Variants in OR10A2 observed in about 807,000 individuals in gnomAD.
OR10A2 encodes the protein olfactory receptor 10A2.
In OR10A2, 15 loss-of-function variants were observed where a neutral mutation model predicts 13.7. The ratio of observed to expected loss-of-function variants is 1.10; its 90% confidence interval spans 0.73 to 1.69. The LOEUF (loss-of-function observed/expected upper bound fraction) is 1.69, where lower values mean the gene tolerates loss of function less well. Among genes scored for constraint, OR10A2 ranks in the 40% most tolerant of loss-of-function variants. The probability of loss-of-function intolerance (pLI) is 0.00; values close to 1 mark genes in which losing one functional copy is unlikely to be tolerated. For missense variants in OR10A2, 343 were observed against 361.1 expected (o/e 0.95, Z 0.41); for synonymous variants, 145 against 144.7 (o/e 1.00, Z -0.02).
At chr11:6,863,868 G>C (rs980612559) in intron 1 of OR10A2, among the ~76,000 whole-genome samples, 1 of 152,210 alleles carries the variant, frequency 6.6e-6, no homozygotes, top group Non-Finnish European at 1.5e-5. Context: ...GAGCAAGTTT[G>C]TCCAACCTGT....
chr11:6,864,074 C>A (rs1848361835), intron 1 of OR10A2, among the ~76,000 whole-genome samples: 1 of 152,054 alleles, frequency 6.6e-6, no homozygotes, highest in South Asian at 2.1e-4. Context: ...GATTGGACAC[C>A]CCTGTTCTAG....
chr11:6,869,849 T>C lies in OR10A2; in HGVS notation c.95T>C (p.Ile32Thr), dbSNP rs201235124. The C allele has an allele frequency of 1.9e-6, 3 of 1,614,178 alleles. No individual in the cohort carries two copies. Among genetic ancestry groups the C allele is most frequent in the Middle Eastern group, 1.6e-4 (1 of 6,062 alleles). The change falls in exon 2 of 2, where the codon ATC becomes ACC. Residue 32 changes from isoleucine (I) to threonine (T), a missense_variant. Ile to Thr is a moderately conservative substitution (Grantham distance 89, BLOSUM62 -1). Coordinates refer to ENST00000641461, the MANE Select transcript of OR10A2 (RefSeq NM_001004460.2). ...YLVTLMGNCL[I>T]ILVTLADPML... ...GTCACCCTGATGGGAAACTGCCTCATCATTCTGGTTACCCTAGCTGACCCC... is the reference window on the plus strand; with the variant it reads ...GTCACCCTGATGGGAAACTGCCTCACCATTCTGGTTACCCTAGCTGACCCC...
At chr11:6,869,395 T>A (rs1266234286) in intron 1 of OR10A2, among the ~76,000 whole-genome samples, 1 of 152,248 alleles carries the variant, frequency 6.6e-6, no homozygotes, top group Non-Finnish European at 1.5e-5. Flanking sequence ...AAACATCACT[T>A]TCTCCCAAAA....
intron 1 of OR10A2, among the ~76,000 whole-genome samples, chr11:6,867,436 T>A (rs1848388034): frequency 6.6e-6 from 1 of 152,144 alleles, no homozygotes; most frequent in Non-Finnish European, 1.5e-5. Context: ...GTTTTCAAAC[T>A]CCTGGCCTCA....
chr11:6,866,561 T>C (rs1350668786), intron 1 of OR10A2, among the ~76,000 whole-genome samples: 1 of 152,204 alleles, frequency 6.6e-6, no homozygotes, highest in Non-Finnish European at 1.5e-5. Context: ...TCACCAGCAT[T>C]TGGTGTTGTC....
chr11:6,866,002 G>A (rs964366216), intron 1 of OR10A2, among the ~76,000 whole-genome samples: 1 of 152,136 alleles, frequency 6.6e-6, no homozygotes, highest in African/African-American at 2.4e-5. Flanking sequence ...TGTTATGTAA[G>A]TGGAATAATA....
At position 6,869,746 on chromosome 11, in the gene OR10A2, T is replaced by C. The variant is rs1848409597; in HGVS notation, c.-9T>C. The C allele has an allele frequency of 6.2e-7, 1 of 1,611,608 alleles. No homozygotes were observed. Among genetic ancestry groups the C allele is most frequent in the Non-Finnish European group, 8.5e-7 (1 of 1,178,054 alleles). ...AGGAAACTGGACAAGAATAAGTGAG[T>C]TTATCCTCATGAGCTTCTCTTCCCT... On this transcript the variant is annotated 5_prime_UTR_variant, in exon 2 of 2. Transcript: ENST00000641461.
chr11:6,864,149 C>G (rs1015346591), intron 1 of OR10A2, among the ~76,000 whole-genome samples: 3 of 152,176 alleles, frequency 2.0e-5, no homozygotes, highest in African/African-American at 7.2e-5. Flanking sequence ...CTCTCCCACA[C>G]TGGAGACGGG....
At chr11:6,864,599 G>A (rs534292812) in intron 1 of OR10A2, among the ~76,000 whole-genome samples, 1 of 152,110 alleles carries the variant, frequency 6.6e-6, no homozygotes, top group Non-Finnish European at 1.5e-5. Flanking sequence ...ATCCTATCTG[G>A]AAGTATCACA....
rs7130260 is a variant in OR10A2 at position 6,873,173 on chromosome 11, C to T, written c.*2507C>T. ...AAAGCTTATGTAATGCAAACCTTTA[C>T]ATTAAAAATATTATGGGGAAGTAGG... On this transcript the variant is annotated 3_prime_UTR_variant, in exon 2 of 2. Transcript: ENST00000641461. 49,132 of 151,654 alleles carry T rather than the reference C, an allele frequency of 0.32. 8,414 individuals are homozygous for T. The highest frequency in any genetic ancestry group is 0.41 in the South Asian group (1,968 of 4,798). The allele number at this position is 151,654 out of a possible 1,614,324, so 9.4% of individuals were successfully genotyped here.
In OR10A2 at chr11:6,870,660, C is replaced by A. The variant is rs1201149466; in HGVS notation, c.906C>A (p.Ile302=). 6.4e-7 allele frequency: 1 copy of A among 1,554,734 alleles called. No individual in the cohort carries two copies. Among genetic ancestry groups the A allele is most frequent in the Admixed American group, 2.1e-5 (1 of 48,780 alleles). The part of the protein sequence containing the change: ...VSKALALRNC[I]P ...AGGCCCTAGCCCTCAGAAACTGTAT[C>A]CCATAGACCTTAGGAAGTAAGGCTA... The change falls in exon 2 of 2, where the codon ATC becomes ATA. Residue 302 remains isoleucine, a synonymous_variant. Transcript: ENST00000641461.
At chr11:6,869,594 G>C in intron 1 of OR10A2, 29 bp from the exon 2 acceptor site, 2 of 687,926 alleles carry the variant, frequency 2.9e-6, no homozygotes, top group Non-Finnish European at 5.1e-6. Context: ...CTCTGCCTGA[G>C]GTGCTGACCT....
Position 6,871,697 on chromosome 11 carries a change from C to A in OR10A2, c.*1031C>A, listed in dbSNP as rs576694018. ...AGTCATAGCTTTGCTTTGATGAGAA[C>A]AAAGCTCCAGAATAAGTCTTCTTTA... On this transcript the variant is annotated 3_prime_UTR_variant, in exon 2 of 2. Coordinates refer to ENST00000641461, the MANE Select transcript of OR10A2 (RefSeq NM_001004460.2). 1.2e-4 allele frequency: 18 copies of A among 152,284 alleles called. No homozygotes were observed. The highest frequency in any genetic ancestry group is 3.4e-3 in the Middle Eastern group (1 of 294). 9.4% of individuals were successfully genotyped at this position (152,284 alleles called of 1,614,324 possible).
At position 6,870,060 on chromosome 11, in the gene OR10A2, G is replaced by C. The variant is rs1848413756; in HGVS notation, c.306G>C (p.Leu102=). 1.9e-6 allele frequency: 3 copies of C among 1,614,148 alleles called. No individual in the cohort carries two copies. The East Asian group carries it at 6.7e-5, about 36-fold the overall frequency. Residue 102 remains leucine (L), a synonymous_variant, in exon 2 of 2, where the codon CTG becomes CTC. Transcript: ENST00000641461. ...FFFGVAECFL[L]ATMAYDRYVA... is the part of the protein sequence containing the mutation. ...TTGGAGTGGCTGAATGCTTCCTCCT[G>C]GCTACCATGGCATATGACCGCTATG...
chr11:6,870,228 C>A lies in OR10A2; in HGVS notation c.474C>A (p.Thr158=). The A allele has an allele frequency of 6.2e-7, 1 of 1,614,194 alleles. No individual in the cohort carries two copies. The part of the protein sequence containing the change: ...TWLFSFPFCG[T]NKVNHFFCDS... ...TCTTCAGTTTTCCATTCTGTGGCAC[C>A]AACAAGGTGAACCACTTCTTCTGTG... The change falls in exon 2 of 2, where the codon ACC becomes ACA. Residue 158 remains threonine (T), a synonymous_variant. Coordinates refer to ENST00000641461, the MANE Select transcript of OR10A2 (RefSeq NM_001004460.2).
At position 6,870,549 on chromosome 11, in the gene OR10A2, C is replaced by T. The variant is rs200374732; in HGVS notation, c.795C>T (p.Tyr265=). 9.9e-6 allele frequency: 16 copies of T among 1,614,062 alleles called. No homozygotes were observed. The highest frequency in any genetic ancestry group is 1.7e-5 in the Admixed American group (1 of 60,026). ...GCAAGAAGCTGCTATCATTGTCCTACACTGTTATGACTCCCATGTTGAACC... is the reference window on the plus strand; with the variant it reads ...GCAAGAAGCTGCTATCATTGTCCTATACTGTTATGACTCCCATGTTGAACC... ...PEGKKLLSLS[Y]TVMTPMLNPI... The change falls in exon 2 of 2, where the codon TAC becomes TAT. Residue 265 remains tyrosine, a synonymous_variant. Transcript: ENST00000641461.
Position 6,870,908 on chromosome 11 carries a change from C to A in OR10A2, c.*242C>A, listed in dbSNP as rs1848427527. On this transcript the variant is annotated 3_prime_UTR_variant, in exon 2 of 2. Coordinates refer to ENST00000641461, the MANE Select transcript of OR10A2 (RefSeq NM_001004460.2). Reference sequence around the variant, plus strand: ...GTTTTCCTTGTTTCAACTGGTATGACAGCACTTCTGTGGCCAACTATTTCC... The same window carrying A: ...GTTTTCCTTGTTTCAACTGGTATGAAAGCACTTCTGTGGCCAACTATTTCC... 5.4e-6 allele frequency: 2 copies of A among 369,104 alleles called. No individual in the cohort carries two copies. The allele number at this position is 369,104 out of a possible 1,614,324, so 22.9% of individuals were successfully genotyped here.
chr11:6,870,151 G>T lies in OR10A2; in HGVS notation c.397G>T (p.Ala133Ser). ...CCAAAGGACTCGTGCCAAACTGGCT[G>T]CTGCCTCCTGGTTCCCAGGCTTTCC... ...MNQRTRAKLA[A>S]ASWFPGFPVA... The change falls in exon 2 of 2, where the codon GCT (alanine) becomes TCT (serine). Residue 133 changes from alanine (A) to serine (S), a missense_variant. By Grantham distance (99) the Ala-to-Ser change is moderately conservative (BLOSUM62 1). Coordinates refer to ENST00000641461, the MANE Select transcript of OR10A2 (RefSeq NM_001004460.2). The T allele has an allele frequency of 6.2e-7, 1 of 1,614,224 alleles. No homozygotes were observed. Among genetic ancestry groups the T allele is most frequent in the Non-Finnish European group, 8.5e-7 (1 of 1,180,050 alleles).
At chr11:6,867,254 C>G (rs111445990) in intron 1 of OR10A2, among the ~76,000 whole-genome samples, 183 of 152,116 alleles carry the variant, frequency 1.2e-3, no homozygotes, top group African/African-American at 4.2e-3. Context: ...TTCTGTCACC[C>G]AGGCTAGAAT....
Sources: gnomAD v4.1 joint callset for allele counts (sites outside exome capture counted in the v4.1 genomes callset) on GRCh38, gnomAD v4.1.1 for gene constraint, MANE v1.5 for transcripts, NCBI Gene and HGNC (gene_info 2026-07-23, HGNC 2026-07-21) for gene names.